Variants in ROBO1 observed in about 807,000 individuals in gnomAD.
The protein encoded by ROBO1 is roundabout homolog 1.
In ROBO1, 149 loss-of-function variants were observed where a neutral mutation model predicts 195.9. The observed-to-expected ratio is 0.76, with a 90% CI of 0.67 to 0.87. The LOEUF is 0.87. Ranked by LOEUF, ROBO1 falls within the 40% of genes least tolerant of loss-of-function variation. ROBO1 has a pLI of 0.00. For missense variants in ROBO1, 1,933 were observed against 2,068.3 expected (o/e 0.93, Z 1.27); for synonymous variants, 816 against 733.2 (o/e 1.11, Z -1.82).
chr3:79,641,704 A>G (rs2106671567), intron 1 of ROBO1, among the ~76,000 whole-genome samples: 1 of 152,240 alleles, frequency 6.6e-6, no homozygotes, highest in East Asian at 1.9e-4. Flanking sequence ...TCAATTCAGA[A>G]ATATATCAGA....
At chr3:78,855,037 A>C (rs113287519) in intron 4 of ROBO1, among the ~76,000 whole-genome samples, 164 of 152,276 alleles carry the variant, frequency 1.1e-3, no homozygotes, top group African/African-American at 3.4e-3. Context: ...TTGGGATTAA[A>C]CATCCAACTA....
At chr3:79,053,667 C>T (rs184992039) in intron 3 of ROBO1, among the ~76,000 whole-genome samples, 18 of 152,018 alleles carry the variant, frequency 1.2e-4, no homozygotes, top group African/African-American at 3.1e-4. Context: ...TCCTTCTGCT[C>T]CCCCAATACC....
At chr3:79,066,991 A>G (rs1301203824) in intron 3 of ROBO1, among the ~76,000 whole-genome samples, 1 of 151,976 alleles carries the variant, frequency 6.6e-6, no homozygotes, top group Non-Finnish European at 1.5e-5. Context: ...TAATATTGCC[A>G]GGAAATGCAT....
At chr3:79,147,198 T>C (rs1406480035) in intron 2 of ROBO1, among the ~76,000 whole-genome samples, 1 of 151,928 alleles carries the variant, frequency 6.6e-6, no homozygotes, top group African/African-American at 2.4e-5. Flanking sequence ...GTCAACGCAA[T>C]TGGTTCAAGC....
At chr3:79,385,050 A>ATTTAAAG (rs1354183448) in intron 2 of ROBO1, among the ~76,000 whole-genome samples, 1 of 152,126 alleles carries the variant, frequency 6.6e-6, no homozygotes, top group African/African-American at 2.4e-5. Context: ...AGTTAGCTGA[A>ATTTAAAG]TTTAAAGTTT....
chr3:79,434,492 A>T (rs1356505008), intron 2 of ROBO1, among the ~76,000 whole-genome samples: 2 of 152,158 alleles, frequency 1.3e-5, no homozygotes, highest in Admixed American at 1.3e-4. Flanking sequence ...GCCATCAGAG[A>T]AATGCAAATC....
At chr3:79,543,764 T>A (rs1292497532) in intron 2 of ROBO1, among the ~76,000 whole-genome samples, 3 of 152,100 alleles carry the variant, frequency 2.0e-5, no homozygotes, top group African/African-American at 7.2e-5. Context: ...AGAGAATTCA[T>A]CTAGCTCTTA....
At chr3:79,346,599 A>T (rs1285726986) in intron 2 of ROBO1, among the ~76,000 whole-genome samples, 1 of 152,004 alleles carries the variant, frequency 6.6e-6, no homozygotes, top group Non-Finnish European at 1.5e-5. Flanking sequence ...CTAGGAATTA[A>T]TTTTTTCTAT....
rs530254188 is a variant in ROBO1, at chr3:78,795,026, T to TA, written c.500-48127dup. 3.9e-4 allele frequency among the ~76,000 whole-genome samples: 60 copies of TA among 152,292 alleles called. No homozygotes were observed. The East Asian group carries it at 0.011, about 28-fold the overall frequency. On this transcript the variant is annotated intron_variant, in intron 4 of 30. Coordinates refer to ENST00000464233, the MANE Select transcript of ROBO1 (RefSeq NM_002941.4). ...ACATTTAACAGAAAATAATTCATAC[T>TA]AAAAATGATTTAACTGAAATTATGT...
chr3:78,916,574 GA>G (rs983162751), intron 4 of ROBO1, among the ~76,000 whole-genome samples: 1 of 142,590 alleles, frequency 7.0e-6, no homozygotes, highest in South Asian at 2.2e-4. Context: ...AAAAAAAAAA[GA>G]AAAAAATGGA....
At chr3:78,742,235 T>A (rs2082550639) in intron 5 of ROBO1, among the ~76,000 whole-genome samples, 1 of 152,154 alleles carries the variant, frequency 6.6e-6, no homozygotes, top group African/African-American at 2.4e-5. Flanking sequence ...CATAACGATA[T>A]TATGTGCTTT....
At chr3:78,931,793 C>G (rs981626759) in intron 4 of ROBO1, among the ~76,000 whole-genome samples, 1 of 151,992 alleles carries the variant, frequency 6.6e-6, no homozygotes, top group Non-Finnish European at 1.5e-5. Context: ...CAGAGAGATC[C>G]TGTCTCCACA....
At chr3:78,675,556 C>T (rs905977298) in intron 10 of ROBO1, among the ~76,000 whole-genome samples, 25 of 152,234 alleles carry the variant, frequency 1.6e-4, no homozygotes, top group Non-Finnish European at 3.1e-4. Context: ...CACGGAGTCT[C>T]GCTAATTGTT....
chr3:79,126,311 A>T lies in ROBO1; in HGVS notation c.89-772T>A, dbSNP rs189933358. Reference sequence around the variant, plus strand: ...CTATGCTTATTTTTCTTAAATAAAAAATGCATTTTTTCTGTTTTTCTTAAA... The same window carrying T: ...CTATGCTTATTTTTCTTAAATAAAATATGCATTTTTTCTGTTTTTCTTAAA... On this transcript the variant is annotated intron_variant, in intron 2 of 30. Transcript: ENST00000464233. 7.2e-4 allele frequency among the ~76,000 whole-genome samples: 109 copies of T among 152,320 alleles called. 3 individuals are homozygous for T. In the South Asian group the frequency reaches 0.022, roughly 31 times the overall value.
rs568702817 is a variant in ROBO1 at position 79,646,489 on chromosome 3, T to C, written c.-50-56528A>G. ...AAATTAGAACAATTACTATGAAAAA[T>C]TGTATGTAAATTATTCAAAAATAAT... On this transcript the variant is annotated intron_variant, in intron 1 of 30. Transcript: ENST00000464233. Among the ~76,000 whole-genome samples the C allele has an allele frequency of 9.9e-5, 15 of 152,210 alleles. No homozygotes were observed. The South Asian group carries it at 2.3e-3, about 23-fold the overall frequency.
chr3:78,943,137 A>AC (rs1399163560), intron 3 of ROBO1, among the ~76,000 whole-genome samples: 4 of 151,882 alleles, frequency 2.6e-5, no homozygotes, highest in Non-Finnish European at 5.9e-5. Context: ...AATGGCGTGA[A>AC]CCTGGGAGGC....
At chr3:79,678,552 G>A (rs569978824) in intron 1 of ROBO1, among the ~76,000 whole-genome samples, 1 of 152,108 alleles carries the variant, frequency 6.6e-6, no homozygotes, top group East Asian at 1.9e-4. Flanking sequence ...CATTATCAGA[G>A]AGTTAAAAAT....
chr3:78,916,741 G>T (rs1471482182), intron 4 of ROBO1, among the ~76,000 whole-genome samples: 1 of 151,994 alleles, frequency 6.6e-6, no homozygotes, highest in Non-Finnish European at 1.5e-5. Flanking sequence ...CTTTAGTCTG[G>T]TTAAATAATG....
At chr3:79,127,392 C>A (rs1044605474) in intron 2 of ROBO1, among the ~76,000 whole-genome samples, 1 of 152,148 alleles carries the variant, frequency 6.6e-6, no homozygotes, top group African/African-American at 2.4e-5. Context: ...AAGAAAACCA[C>A]CCTGCTTACC....
Sources: allele counts gnomAD v4.1 joint callset (sites outside exome capture counted in the v4.1 genomes callset), GRCh38; gene constraint gnomAD v4.1.1; transcripts MANE v1.5; gene names NCBI Gene and HGNC (gene_info 2026-07-23, HGNC 2026-07-21).